KASH5: variants seen among roughly 807,000 people sequenced by gnomAD.
KASH5 encodes protein KASH5.
KASH5 carries 72 observed loss-of-function variants against 84.2 expected under a neutral mutation model. That is an observed-to-expected ratio of 0.85 (90% confidence interval 0.71 to 1.04). The LOEUF is 1.04. KASH5 is among the 50% of genes least tolerant of loss of function. The probability of loss-of-function intolerance (pLI) is 0.00; values close to 1 mark genes in which losing one functional copy is unlikely to be tolerated. For synonymous variants in KASH5, 260 were observed against 279.1 expected, an observed-to-expected ratio of 0.93 and a Z score of 0.68; for missense variants, 650 against 701.0, an observed-to-expected ratio of 0.93 and a Z score of 0.82.
chr19:49,403,202 C>CA (rs1823151976), intron 9 of KASH5, among the ~76,000 whole-genome samples: 1 of 152,080 alleles, frequency 6.6e-6, no homozygotes, highest in Non-Finnish European at 1.5e-5. Flanking sequence ...ACTAAAAATA[C>CA]AAAAAATAAA....
rs138435059 is a variant in KASH5 at position 49,409,532 on chromosome 19, A to G, written c.1147-221A>G. ...CACCCCTATCTCGTCTCCCTCCATG[A>G]CCATCTCACTCCTTAACTTCATCTC... is the stretch of plus-strand genomic sequence containing the variant. On this transcript the variant is annotated intron_variant, in intron 14 of 19. Coordinates refer to ENST00000447857, the MANE Select transcript of KASH5 (RefSeq NM_144688.5). Among the ~76,000 whole-genome samples the G allele has an allele frequency of 3.3e-4, 50 of 151,984 alleles. No individual in the cohort carries two copies. The East Asian group carries it at 7.4e-3, about 22-fold the overall frequency.
In KASH5 at chr19:49,416,232, C is replaced by T. The variant is rs970257522; in HGVS notation, c.1375-783C>T. On this transcript the variant is annotated intron_variant, in intron 17 of 19. Transcript: ENST00000447857. This position sits in a 1 kb window ranked among gnomAD's most constrained non-coding sequence, Gnocchi z 5.4. ...GTTTTGAGATGGAGTCTTGCTCTGTCGCCAGGCTGGAGTGCAGTGGTGCGA... is the reference window on the plus strand; with the variant it reads ...GTTTTGAGATGGAGTCTTGCTCTGTTGCCAGGCTGGAGTGCAGTGGTGCGA... Among the ~76,000 whole-genome samples, 9 of 152,138 alleles carry T rather than the reference C, an allele frequency of 5.9e-5. No homozygotes were observed. The highest frequency in any genetic ancestry group is 1.3e-4 in the Admixed American group (2 of 15,280).
chr19:49,401,114 G>A (rs1165842183), intron 9 of KASH5, among the ~76,000 whole-genome samples: 2 of 152,148 alleles, frequency 1.3e-5, no homozygotes, highest in Non-Finnish European at 2.9e-5. Context: ...TTGGATCTCT[G>A]GACATACCAT....
chr19:49,401,940 C>G (rs1218328786), intron 9 of KASH5, among the ~76,000 whole-genome samples: 4 of 152,152 alleles, frequency 2.6e-5, no homozygotes, highest in Non-Finnish European at 2.9e-5. Flanking sequence ...CAGAACATCC[C>G]TTTTTAAGAA....
Position 49,407,676 on chromosome 19 carries a change from C to T in KASH5, c.993+5C>T, listed in dbSNP as rs1032442309. ...GAATACAGAGTGACGACGCAGGTAA[C>T]TCAGCGGCCCTCGCCACCCACCGCG... On this transcript the variant is annotated splice_donor_5th_base_variant and intron_variant, in intron 12 of 19. Coordinates refer to ENST00000447857, the MANE Select transcript of KASH5 (RefSeq NM_144688.5). 7 of 1,599,410 alleles carry T rather than the reference C, an allele frequency of 4.4e-6. No homozygotes were observed. Among genetic ancestry groups the T allele is most frequent in the Non-Finnish European group, 5.1e-6 (6 of 1,173,200 alleles).
chr19:49,406,816 C>A, intron 9 of KASH5, 70 bp from the exon 10 acceptor site: 2 of 1,381,312 alleles, frequency 1.4e-6, no homozygotes, highest in Non-Finnish European at 2.0e-6. Flanking sequence ...AAGTGTTTAG[C>A]AAATATCTGC....
chr19:49,409,141 CTGAG>C, intron 13 of KASH5, 51 bp from the exon 14 acceptor site: 1 of 1,599,010 alleles, frequency 6.3e-7, no homozygotes, highest in Non-Finnish European at 8.5e-7. Flanking sequence ...CATGAGCTGA[CTGAG>C]TGGCCACCAG....
At chr19:49,409,908 C>G in intron 15 of KASH5, 33 bp downstream of exon 15, 1 of 1,608,890 alleles carries the variant, frequency 6.2e-7, no homozygotes, top group Non-Finnish European at 8.5e-7. Flanking sequence ...AGTCCAGGAG[C>G]TGGAAAGGGG....
intron 7 of KASH5, 32 bp downstream of exon 7, chr19:49,398,175 CG>C: frequency 6.5e-7 from 1 of 1,532,898 alleles, no homozygotes; most frequent in Non-Finnish European, 8.8e-7. Context: ...CCCTCCCCAG[CG>C]CCCCTGCCTC....
At chr19:49,397,113 G>A (rs995168331) in intron 5 of KASH5, among the ~76,000 whole-genome samples, 1 of 151,854 alleles carries the variant, frequency 6.6e-6, no homozygotes, top group African/African-American at 2.4e-5. Flanking sequence ...TACAAAAAAC[G>A]GTGGGGAAGG....
At chr19:49,397,831 T>C (rs1974231856) in intron 6 of KASH5, 114 bp downstream of exon 6, 1 of 1,468,362 alleles carries the variant, frequency 6.8e-7, no homozygotes, top group Non-Finnish European at 9.4e-7. Flanking sequence ...GGGACGGGGC[T>C]TTGCTGAAAG....
rs889429748 is a variant in KASH5 at position 49,397,641 on chromosome 19, C to G, written c.401-10C>G. The G allele has an allele frequency of 6.2e-7, 1 of 1,613,616 alleles. No homozygotes were observed. The highest frequency in any genetic ancestry group is 1.3e-5 in the African/African-American group (1 of 74,914). On this transcript the variant is annotated splice_polypyrimidine_tract_variant and intron_variant, in intron 5 of 19. Coordinates refer to ENST00000447857, the MANE Select transcript of KASH5 (RefSeq NM_144688.5). ...GGGAAGCCAACATTCTCTTGGCTCT[C>G]TCCCTCCAGGATGCCCAGAAGCTGA...
rs74708860 is a variant in KASH5 at position 49,394,092 on chromosome 19, C to T, written c.44-384C>T. Among the ~76,000 whole-genome samples, 604 of 152,162 alleles carry T rather than the reference C, an allele frequency of 4.0e-3. 1 individual carries two copies. Among genetic ancestry groups the T allele is most frequent in the African/African-American group, 0.014 (574 of 41,508 alleles). ...ATTGGATTGTTCCTGGCTCCTGGGC[C>T]CCCCCTTCACTCTCAGCTCCTCCCA... On this transcript the variant is annotated intron_variant, in intron 2 of 19. Transcript: ENST00000447857.
At chr19:49,415,967 C>T (rs533296808) in intron 17 of KASH5, among the ~76,000 whole-genome samples, 19 of 152,178 alleles carry the variant, frequency 1.2e-4, no homozygotes, top group African/African-American at 2.4e-4. Context: ...GAGGCCCTTC[C>T]GGGGAGACAT....
chr19:49,392,184 A>G (rs1187400721), intron 2 of KASH5, among the ~76,000 whole-genome samples: 1 of 152,134 alleles, frequency 6.6e-6, no homozygotes, highest in Non-Finnish European at 1.5e-5. Context: ...AGGCAAAGGG[A>G]AAAAGAAACA....
intron 2 of KASH5, among the ~76,000 whole-genome samples, chr19:49,394,097 C>A (rs1297845602): frequency 6.6e-6 from 1 of 152,150 alleles, no homozygotes; most frequent in East Asian, 1.9e-4. Context: ...TGGGCCCCCC[C>A]TTCACTCTCA....
chr19:49,402,270 G>T (rs769399336), intron 9 of KASH5, among the ~76,000 whole-genome samples: 1 of 149,920 alleles, frequency 6.7e-6, no homozygotes, highest in East Asian at 2.0e-4. Flanking sequence ...AAAACTTTCC[G>T]GCTGGGCATG....
intron 10 of KASH5, 27 bp from the exon 11 acceptor site, chr19:49,407,213 T>A: frequency 1.2e-6 from 2 of 1,612,148 alleles, no homozygotes; most frequent in Non-Finnish European, 1.7e-6. Flanking sequence ...GGAGGCTGGA[T>A]GGATGGACCG....
At chr19:49,403,758 C>T (rs1383829662) in intron 9 of KASH5, among the ~76,000 whole-genome samples, 1 of 152,226 alleles carries the variant, frequency 6.6e-6, no homozygotes, top group African/African-American at 2.4e-5. Flanking sequence ...TCTCTACCTC[C>T]TCCCCACCAG....
Sources: allele counts gnomAD v4.1 joint callset (sites outside exome capture counted in the v4.1 genomes callset), GRCh38; gene constraint gnomAD v4.1.1; non-coding constraint Gnocchi (gnomAD v3.1); transcripts MANE v1.5; gene names NCBI Gene and HGNC (gene_info 2026-07-23, HGNC 2026-07-21).